CSNK1G3: variants seen among roughly 807,000 people sequenced by gnomAD.
The protein encoded by CSNK1G3 is casein kinase 1 gamma 3.
Under a neutral mutation model 64.3 loss-of-function variants are expected in CSNK1G3, and 23 were observed. The ratio of observed to expected loss-of-function variants is 0.36; its 90% CI spans 0.26 to 0.51. CSNK1G3 has a LOEUF of 0.51. Ranked by LOEUF, CSNK1G3 falls within the 20% of genes least tolerant of loss-of-function variation. The probability of loss-of-function intolerance (pLI) is 0.96; values close to 1 mark genes in which losing one functional copy is unlikely to be tolerated. For synonymous variants in CSNK1G3, 158 were observed against 162.2 expected (o/e 0.97, Z 0.20); for missense variants, 357 against 510.5 (o/e 0.70, Z 2.90).
At chr5:123,605,450 A>T in intron 12 of CSNK1G3, 88 bp downstream of exon 13, 1 of 1,326,634 alleles carries the variant, frequency 7.5e-7, no homozygotes, top group Non-Finnish European at 1.1e-6. Flanking sequence ...TGAAAACAAA[A>T]CTCTCAACAC....
chr5:123,529,606 C>T (rs1779601855), intron 1 of CSNK1G3, among the ~76,000 whole-genome samples: 1 of 152,038 alleles, frequency 6.6e-6, no homozygotes, highest in South Asian at 2.1e-4. Context: ...CCCAAAATTT[C>T]CTTGATGGCT....
At chr5:123,518,536 A>ATC (rs1169100890) in intron 1 of CSNK1G3, among the ~76,000 whole-genome samples, 3 of 152,098 alleles carry the variant, frequency 2.0e-5, no homozygotes, top group East Asian at 1.9e-4. Context: ...GATGGAATGG[A>ATC]TCTCTCTCTC....
intron 1 of CSNK1G3, among the ~76,000 whole-genome samples, chr5:123,539,114 A>G (rs1436513264): frequency 6.6e-6 from 1 of 152,148 alleles, no homozygotes; most frequent in African/African-American, 2.4e-5. Context: ...AGTTATAGGC[A>G]TGAGCCACCA....
At chr5:123,597,994 C>CA (rs1793751135) in intron 10 of CSNK1G3, among the ~76,000 whole-genome samples, 4 of 152,226 alleles carry the variant, frequency 2.6e-5, no homozygotes, top group African/African-American at 9.6e-5. Context: ...ATTAGAGGTA[C>CA]AGTCAAAAGA....
chr5:123,513,962 A>T (rs1776691671), intron 1 of CSNK1G3, among the ~76,000 whole-genome samples: 2 of 152,182 alleles, frequency 1.3e-5, no homozygotes, highest in Admixed American at 1.3e-4. Context: ...CTTAGGATAA[A>T]TTGTCTTATT....
At chr5:123,613,699 G>A (rs143177802) in intron 12 of CSNK1G3, among the ~76,000 whole-genome samples, 11 of 152,078 alleles carry the variant, frequency 7.2e-5, no homozygotes, top group African/African-American at 2.7e-4. Context: ...AGAAATAAAA[G>A]TCAGTATTAT....
At chr5:123,558,441 A>G (rs1581119905) in intron 4 of CSNK1G3, among the ~76,000 whole-genome samples, 2 of 152,296 alleles carry the variant, frequency 1.3e-5, no homozygotes, top group South Asian at 2.1e-4. Flanking sequence ...TTTTACTTGT[A>G]TAGCTTCTTG....
chr5:123,574,424 T>TA (rs1237746066), intron 5 of CSNK1G3, among the ~76,000 whole-genome samples: 4 of 152,174 alleles, frequency 2.6e-5, no homozygotes, highest in East Asian at 3.9e-4. Flanking sequence ...ATGTTTATAA[T>TA]AAAAAAAGGA....
At position 123,588,530 on chromosome 5, in the gene CSNK1G3, T is replaced by G; in HGVS notation, c.844+19T>G. 2 of 1,449,990 alleles carry G rather than the reference T, an allele frequency of 1.4e-6. No homozygotes were observed. The highest frequency in any genetic ancestry group is 1.9e-6 in the Non-Finnish European group (2 of 1,031,260). The allele number at this position is 1,449,990 out of a possible 1,614,324, so 89.8% of individuals were successfully genotyped here. On this transcript the variant is annotated intron_variant, in intron 8 of 12. Transcript: ENST00000345990. The stretch of plus-strand genomic sequence containing the variant: ...TTTCCAGGTAATGAATAATGTGAGG[T>G]TGATACATTATATACAGAAAACTAG...
At chr5:123,559,110 T>C (rs1263251336) in intron 4 of CSNK1G3, among the ~76,000 whole-genome samples, 1 of 152,226 alleles carries the variant, frequency 6.6e-6, no homozygotes, top group Non-Finnish European at 1.5e-5. Context: ...TATGTCATGC[T>C]TATCCCTGAT....
At chr5:123,595,499 C>G (rs1351964772) in intron 10 of CSNK1G3, among the ~76,000 whole-genome samples, 1 of 151,908 alleles carries the variant, frequency 6.6e-6, no homozygotes, top group Non-Finnish European at 1.5e-5. Flanking sequence ...GTATTTTTTC[C>G]CATTCATTGA....
At chr5:123,601,177 TA>T (rs948774955) in intron 10 of CSNK1G3, among the ~76,000 whole-genome samples, 2 of 152,186 alleles carry the variant, frequency 1.3e-5, no homozygotes, top group African/African-American at 4.8e-5. Context: ...ATTTGGCTTA[TA>T]AAAATATTTG....
chr5:123,570,296 A>T (rs941712435), intron 4 of CSNK1G3, among the ~76,000 whole-genome samples: 1 of 152,002 alleles, frequency 6.6e-6, no homozygotes. Flanking sequence ...AACTATTGGG[A>T]ATATAGATGG....
Sources: gnomAD v4.1 joint callset for allele counts (sites outside exome capture counted in the v4.1 genomes callset) on GRCh38, gnomAD v4.1.1 for gene constraint, MANE v1.5 for transcripts, NCBI Gene and HGNC (gene_info 2026-07-23, HGNC 2026-07-21) for gene names.